PAQR3: variants seen among roughly 807,000 people sequenced by gnomAD.
PAQR3 encodes progestin and adipoQ receptor family member 3.
A neutral mutation model predicts 41.7 loss-of-function variants in PAQR3; 39 were observed. The ratio of observed to expected loss-of-function variants is 0.93; its 90% CI spans 0.72 to 1.22. PAQR3 has a LOEUF of 1.22. Ranked by LOEUF, PAQR3 falls within the 50% of genes most tolerant of loss-of-function variation. PAQR3 has a pLI of 0.00. For missense variants in PAQR3, 366 were observed against 385.6 expected (o/e 0.95, Z 0.42); for synonymous variants, 140 against 140.6 (o/e 1.00, Z 0.03).
intron 1 of PAQR3, among the ~76,000 whole-genome samples, chr4:78,937,652 C>T (rs1170019015): frequency 6.6e-6 from 1 of 152,072 alleles, no homozygotes; most frequent in Non-Finnish European, 1.5e-5. Context: ...CTGTGATTAC[C>T]CTCATTTTTA....
intron 4 of PAQR3, among the ~76,000 whole-genome samples, chr4:78,924,853 T>C (rs1238586269): frequency 1.3e-5 from 2 of 152,002 alleles, no homozygotes; most frequent in Non-Finnish European, 2.9e-5. Context: ...AGAAATAAAA[T>C]GTAAAGACAA....
chr4:78,910,257 C>A (rs1051208295), downstream of PAQR3, among the ~76,000 whole-genome samples: 2 of 152,156 alleles, frequency 1.3e-5, no homozygotes, highest in African/African-American at 4.8e-5. Flanking sequence ...AATGTGAAAT[C>A]TGAGCTTTCA....
rs1734800421 is a variant in PAQR3, at chr4:78,913,641, GTGCCCCAATGGGATAAGCTATT to G, written c.*6876_*6897del. 6.6e-6 allele frequency: 1 copy of G among 152,218 alleles called. No homozygotes were observed. Among genetic ancestry groups the G allele is most frequent in the South Asian group, 2.1e-4 (1 of 4,826 alleles). The allele number at this position is 152,218 out of a possible 1,614,324, so 9.4% of individuals were successfully genotyped here. A position where few individuals can be genotyped will look rare whatever the true frequency, so the allele number is the denominator to read the frequency against. On this transcript the variant is annotated 3_prime_UTR_variant, in exon 6 of 6. Coordinates refer to ENST00000512733, the MANE Select transcript of PAQR3 (RefSeq NM_001040202.2). Reference sequence around the variant, plus strand: ...GTAATTTTATTAGGAATCTCTTATAGTGCCCCAATGGGATAAGCTATTTGCCTATTTTCACAGTTCTGAACTT... The same window carrying G: ...GTAATTTTATTAGGAATCTCTTATAGTGCCTATTTTCACAGTTCTGAACTT...
chr4:78,892,368 G>A (rs566519599), intron 11 of PAQR3, among the ~76,000 whole-genome samples: 162 of 152,206 alleles, frequency 1.1e-3, no homozygotes, highest in African/African-American at 3.4e-3. Context: ...TTTTATTGAC[G>A]TGAAGTTTTT....
At chr4:78,930,120 AC>A (rs1209879204) in intron 3 of PAQR3, 49 bp downstream of exon 3, 1 of 1,523,736 alleles carries the variant, frequency 6.6e-7, no homozygotes, top group East Asian at 2.3e-5. Context: ...AGGCAAGAAA[AC>A]CCAAGACCAA....
At chr4:78,921,169 CT>C (rs2110133557) in intron 5 of PAQR3, among the ~76,000 whole-genome samples, 1 of 152,046 alleles carries the variant, frequency 6.6e-6, no homozygotes, top group East Asian at 1.9e-4. Context: ...ATTCTGTGCT[CT>C]CTAACTAATG....
intron 5 of PAQR3, chr4:78,922,162 T>C: frequency 9.7e-7 from 1 of 1,032,468 alleles, no homozygotes; most frequent in Non-Finnish European, 1.2e-6. Flanking sequence ...TCTGTAATTC[T>C]GGCCCTGCCT....
intron 11 of PAQR3, among the ~76,000 whole-genome samples, chr4:78,893,208 A>T (rs960600154): frequency 6.6e-6 from 1 of 152,180 alleles, no homozygotes; most frequent in Non-Finnish European, 1.5e-5. Context: ...ATTCCATCTC[A>T]AGAAACCACT....
chr4:78,933,176 C>T (rs1737085123), intron 2 of PAQR3: 1 of 456,090 alleles, frequency 2.2e-6, no homozygotes, highest in South Asian at 1.5e-5. Context: ...AGTGGCTTGA[C>T]CTTTATACCA....
downstream of PAQR3, among the ~76,000 whole-genome samples, chr4:78,909,461 C>G (rs1246153518): frequency 6.6e-6 from 1 of 152,082 alleles, no homozygotes; most frequent in Non-Finnish European, 1.5e-5. Flanking sequence ...ATATACGCTG[C>G]TTATCATGGC....
chr4:78,920,708 T>A, intron 5 of PAQR3, 27 bp from the exon 6 acceptor site: 1 of 1,590,186 alleles, frequency 6.3e-7, no homozygotes, highest in Non-Finnish European at 8.6e-7. Context: ...AAGAAAATGA[T>A]AATGATTTCA....
chr4:78,900,142 C>T (rs760306137), intron 11 of PAQR3, among the ~76,000 whole-genome samples: 5 of 152,152 alleles, frequency 3.3e-5, no homozygotes, highest in East Asian at 1.9e-4. Context: ...AATGTGAAGA[C>T]GATGAGGATG....
In PAQR3 at chr4:78,917,788, A is replaced by G. The variant is rs1735226687; in HGVS notation, c.*2751T>C. The G allele has an allele frequency of 1.0e-6, 1 of 983,086 alleles. No individual in the cohort carries two copies. The highest frequency in any genetic ancestry group is 5.2e-4 in the Middle Eastern group (1 of 1,906). 60.9% of individuals were successfully genotyped at this position (983,086 alleles called of 1,614,324 possible). A position where few individuals can be genotyped will look rare whatever the true frequency, so the allele number is the denominator to read the frequency against. ...GCCAAATGGAGAGTTGTACAGTTTT[A>G]CGGAAGTCAATCACAATCTTCAAAT... On this transcript the variant is annotated 3_prime_UTR_variant, in exon 6 of 6. Transcript: ENST00000512733.
At position 78,917,791 on chromosome 4, in the gene PAQR3, G is replaced by C. The variant is rs991563950; in HGVS notation, c.*2748C>G. On this transcript the variant is annotated 3_prime_UTR_variant, in exon 6 of 6. Coordinates refer to ENST00000512733, the MANE Select transcript of PAQR3 (RefSeq NM_001040202.2). ...AAATGGAGAGTTGTACAGTTTTACGGAAGTCAATCACAATCTTCAAATCGG... is the reference window on the plus strand; with the variant it reads ...AAATGGAGAGTTGTACAGTTTTACGCAAGTCAATCACAATCTTCAAATCGG... The C allele has an allele frequency of 2.0e-6, 2 of 983,692 alleles. No homozygotes were observed. The highest frequency in any genetic ancestry group is 1.2e-4 in the Admixed American group (2 of 16,184). The allele number at this position is 983,692 out of a possible 1,614,324, so 60.9% of individuals were successfully genotyped here. A position where few individuals can be genotyped will look rare whatever the true frequency, so the allele number is the denominator to read the frequency against.
At chr4:78,920,750 T>C in intron 5 of PAQR3, 69 bp from the exon 6 acceptor site, 1 of 1,501,478 alleles carries the variant, frequency 6.7e-7, no homozygotes, top group Non-Finnish European at 9.0e-7. Flanking sequence ...AATATATTTC[T>C]TGGAAGTATA....
chr4:78,932,319 T>A (rs1375768444), intron 2 of PAQR3, among the ~76,000 whole-genome samples: 1 of 152,206 alleles, frequency 6.6e-6, no homozygotes, highest in African/African-American at 2.4e-5. Flanking sequence ...GGTTATTTGT[T>A]TTCTCAGATT....
In PAQR3 at chr4:78,890,752, C is replaced by T. The variant is rs78206326; in HGVS notation, c.*837-2604G>A. Among the ~76,000 whole-genome samples the T allele has an allele frequency of 4.9e-3, 747 of 152,248 alleles. 6 individuals are homozygous for T. Among genetic ancestry groups the T allele is most frequent in the African/African-American group, 0.017 (717 of 41,540 alleles). ...CTCTGCAATCAGAACTGGTTGCTTT[C>T]TGGAGCTGTCACACTTATAATTCTA... On this transcript the variant is annotated intron_variant and NMD_transcript_variant, in intron 11 of 12. Coordinates refer to the PAQR3 transcript ENST00000342820.
At chr4:78,938,691 A>G (rs1737695074) in intron 1 of PAQR3, among the ~76,000 whole-genome samples, 1 of 152,106 alleles carries the variant, frequency 6.6e-6, no homozygotes, top group African/African-American at 2.4e-5. Flanking sequence ...TGTTGCTCTA[A>G]AAAGAAAGGT....
At chr4:78,937,642 C>CCTCTGGAAGCAGAAAAA (rs1402993964) in intron 1 of PAQR3, among the ~76,000 whole-genome samples, 1 of 152,180 alleles carries the variant, frequency 6.6e-6, no homozygotes. Context: ...GAAGCAGATA[C>CCTCTGGAAGCAGAAAAA]TGTGATTACC....
Sources: allele counts gnomAD v4.1 joint callset (sites outside exome capture counted in the v4.1 genomes callset), GRCh38; gene constraint gnomAD v4.1.1; transcripts MANE v1.5; gene names NCBI Gene and HGNC (gene_info 2026-07-23, HGNC 2026-07-21).